The following TTLL6 variants were observed in gnomAD, a reference collection of about 807,000 sequenced individuals.
TTLL6 encodes the protein tubulin polyglutamylase TTLL6.
A neutral mutation model predicts 96.4 loss-of-function variants in TTLL6; 75 were observed. The observed-to-expected ratio is 0.78, with a 90% CI of 0.65 to 0.94. The LOEUF is 0.94. Among genes scored for constraint, TTLL6 ranks in the 40% least tolerant of loss-of-function variants. The probability of loss-of-function intolerance (pLI) is 0.00; values close to 1 mark genes in which losing one functional copy is unlikely to be tolerated. For missense variants in TTLL6, 1,030 were observed against 1,093.0 expected, an observed-to-expected ratio of 0.94 and a Z score of 0.81; for synonymous variants, 411 against 419.4, an observed-to-expected ratio of 0.98 and a Z score of 0.24.
chr17:48,787,328 C>T (rs1265273609), intron 11 of TTLL6, among the ~76,000 whole-genome samples: 1 of 152,202 alleles, frequency 6.6e-6, no homozygotes, highest in African/African-American at 2.4e-5. Context: ...CTCCACTTCA[C>T]ATAGGGAATC....
intron 13 of TTLL6, among the ~76,000 whole-genome samples, chr17:48,782,073 C>T (rs944685358): frequency 3.3e-5 from 5 of 151,078 alleles, no homozygotes; most frequent in Admixed American, 2.6e-4. Context: ...TTATCAGACA[C>T]GTGGTTTGTA....
chr17:48,795,339 A>G (rs188738952), intron 8 of TTLL6, among the ~76,000 whole-genome samples: 273 of 152,016 alleles, frequency 1.8e-3, no homozygotes, highest in East Asian at 9.7e-4. Context: ...GAAAAAAAAA[A>G]AAAAGAAAAG....
intron 13 of TTLL6, among the ~76,000 whole-genome samples, chr17:48,771,258 G>A (rs1339267476): frequency 6.6e-6 from 1 of 152,178 alleles, no homozygotes; most frequent in African/African-American, 2.4e-5. Context: ...ACTGGAGGCT[G>A]AAATAACTAA....
chr17:48,778,048 G>A (rs773831446), intron 13 of TTLL6, among the ~76,000 whole-genome samples: 3 of 152,130 alleles, frequency 2.0e-5, no homozygotes, highest in African/African-American at 7.2e-5. Flanking sequence ...AGGCCCAGGC[G>A]GGCAGGTCAC....
chr17:48,801,433 C>T, intron 4 of TTLL6, 48 bp from the exon 5 acceptor site: 1 of 1,551,222 alleles, frequency 6.4e-7, no homozygotes, highest in Non-Finnish European at 8.7e-7. Flanking sequence ...CATGGGAGTA[C>T]TACAAGATCT....
chr17:48,790,659 A>G (rs143176375), intron 9 of TTLL6, among the ~76,000 whole-genome samples: 158 of 152,296 alleles, frequency 1.0e-3, no homozygotes, highest in Non-Finnish European at 2.0e-3. Flanking sequence ...AGGGCTGCAA[A>G]CAGGCACATC....
chr17:48,795,411 T>C (rs2039299327), intron 8 of TTLL6, among the ~76,000 whole-genome samples: 1 of 151,958 alleles, frequency 6.6e-6, no homozygotes, highest in Non-Finnish European at 1.5e-5. Flanking sequence ...CCAACACACA[T>C]GAAGCCTCAG....
At position 48,799,679 on chromosome 17, in the gene TTLL6, T is replaced by C; in HGVS notation, c.693A>G (p.Lys231=). The change falls in exon 6 of 16, where the codon AAA becomes AAG. Residue 231 remains lysine (K), a synonymous_variant. Transcript: ENST00000393382. ...TCACTGTCCGGGTGATGAATATACC[T>C]TTCCCTTGGCAGCCCGAATCCGGCT... ...ICKPDSGCQG[K]GIFITRTVKE... is the part of the protein sequence containing the mutation. 2 of 1,551,844 alleles carry C rather than the reference T, an allele frequency of 1.3e-6. No individual in the cohort carries two copies. Among genetic ancestry groups the C allele is most frequent in the Non-Finnish European group, 1.7e-6 (2 of 1,146,992 alleles).
chr17:48,804,694 C>G, intron 2 of TTLL6, 78 bp downstream of exon 2: 2 of 1,241,190 alleles, frequency 1.6e-6, no homozygotes, highest in Non-Finnish European at 1.1e-6. Flanking sequence ...CTCTCATCAT[C>G]AGCCAAGACC....
chr17:48,769,644 G>A, intron 14 of TTLL6, 84 bp downstream of exon 14: 1 of 1,505,250 alleles, frequency 6.6e-7, no homozygotes, highest in Non-Finnish European at 8.9e-7. Flanking sequence ...CAAAGACTGG[G>A]AGCTCCCCAA....
At chr17:48,786,476 G>A (rs1246196092) in intron 11 of TTLL6, 141 bp from the exon 12 acceptor site, 1 of 953,752 alleles carries the variant, frequency 1.0e-6, no homozygotes, top group Non-Finnish European at 1.6e-6. Context: ...GTCTGCACAA[G>A]TGATTGAATG....
chr17:48,790,210 G>A, intron 9 of TTLL6, 104 bp from the exon 10 acceptor site: 1 of 1,234,026 alleles, frequency 8.1e-7, no homozygotes, highest in Non-Finnish European at 1.1e-6. Flanking sequence ...CCACCTCAGG[G>A]CCCTCACTAC....
At chr17:48,763,209 G>C (rs755081457) in intron 15 of TTLL6, among the ~76,000 whole-genome samples, 13 of 152,162 alleles carry the variant, frequency 8.5e-5, no homozygotes, top group Non-Finnish European at 1.5e-4. Flanking sequence ...TGGCTGGAGA[G>C]AATGTTATAG....
Position 48,790,061 on chromosome 17 carries a change from CTT to C in TTLL6, c.1268_1269del (p.Lys423ArgfsTer9). 1 of 1,614,164 alleles carries C rather than the reference CTT, an allele frequency of 6.2e-7. No homozygotes were observed. The highest frequency in any genetic ancestry group is 1.1e-5 in the South Asian group (1 of 91,070). ...PSFSTDSRLD[K>X]EVKDGLLYDT... ...TCATACAGCAGACCATCTTTCACCT[CTT>C]TATCCAACCGAGAGTCGGTGGAGAA... On this transcript the variant is annotated frameshift_variant, in exon 10 of 16. Transcript: ENST00000393382. LOFTEE classifies it high-confidence loss of function.
At chr17:48,779,451 A>G (rs1423592839) in intron 13 of TTLL6, among the ~76,000 whole-genome samples, 1 of 151,940 alleles carries the variant, frequency 6.6e-6, no homozygotes, top group Non-Finnish European at 1.5e-5. Context: ...ATTGCTGCTT[A>G]AAATGTACAA....
intron 1 of TTLL6, among the ~76,000 whole-genome samples, chr17:48,814,148 GT>G (rs1396722457): frequency 4.0e-5 from 6 of 151,786 alleles, no homozygotes; most frequent in African/African-American, 1.5e-4. Flanking sequence ...GTGAAACCCC[GT>G]CTCTACTAAA....
chr17:48,776,870 T>G (rs2038882444), intron 13 of TTLL6, among the ~76,000 whole-genome samples: 1 of 152,020 alleles, frequency 6.6e-6, no homozygotes. Flanking sequence ...ATTCTAAAAT[T>G]TAAGTGGAAA....
intron 11 of TTLL6, among the ~76,000 whole-genome samples, chr17:48,787,203 T>A (rs753341669): frequency 5.3e-5 from 8 of 152,154 alleles, no homozygotes; most frequent in Non-Finnish European, 8.8e-5. Context: ...AGGAGAGGAC[T>A]GGACTCAGTG....
At position 48,811,296 on chromosome 17, in the gene TTLL6, C is replaced by T. The variant is rs369799175; in HGVS notation, c.103+5674G>A. ...TATTGGTCAGGCTGGTCTCAAACTC[C>T]TGACCTCAGGTGATCCACCCACCTT... On this transcript the variant is annotated intron_variant, in intron 1 of 15. Transcript: ENST00000393382. 1.3e-4 allele frequency among the ~76,000 whole-genome samples: 20 copies of T among 152,054 alleles called. No homozygotes were observed. In the East Asian group the frequency reaches 1.5e-3, roughly 12 times the overall value.
Sources: gnomAD v4.1 joint callset for allele counts (sites outside exome capture counted in the v4.1 genomes callset) on GRCh38, gnomAD v4.1.1 for gene constraint, MANE v1.5 for transcripts, NCBI Gene and HGNC (gene_info 2026-07-23, HGNC 2026-07-21) for gene names.